The following KCNH8 variants were observed in gnomAD, a reference collection of about 807,000 sequenced individuals.
KCNH8 encodes potassium voltage-gated channel subfamily H member 8, also known as voltage-gated delayed rectifier potassium channel KCNH8.
KCNH8 carries 70 observed loss-of-function variants against 103.6 expected under a neutral mutation model. That is an observed-to-expected ratio of 0.68 (90% CI 0.56 to 0.82). The LOEUF (loss-of-function observed/expected upper bound fraction) is 0.82. Among genes scored for constraint, KCNH8 ranks in the 40% least tolerant of loss-of-function variants. The pLI is 0.00. For missense variants in KCNH8, 1,217 were observed against 1,329.9 expected, an observed-to-expected ratio of 0.92 and a Z score of 1.32; for synonymous variants, 498 against 489.4, an observed-to-expected ratio of 1.02 and a Z score of -0.23.
At chr3:19,394,508 C>A (rs563054165) in intron 6 of KCNH8, among the ~76,000 whole-genome samples, 72 of 149,964 alleles carry the variant, frequency 4.8e-4, no homozygotes, top group South Asian at 1.9e-3. Context: ...AGAGAGAGAG[C>A]GAGCTTCAGG....
intron 5 of KCNH8, among the ~76,000 whole-genome samples, chr3:19,364,699 G>A (rs867369242): frequency 2.0e-5 from 3 of 152,072 alleles, no homozygotes; most frequent in African/African-American, 7.2e-5. Flanking sequence ...GGAAAAGACC[G>A]TGCATTGAAA....
intron 11 of KCNH8, among the ~76,000 whole-genome samples, chr3:19,464,373 A>G (rs2067693861): frequency 6.6e-6 from 1 of 152,164 alleles, no homozygotes; most frequent in Non-Finnish European, 1.5e-5. Flanking sequence ...GGCCCATGAG[A>G]TACTTAAAAC....
intron 8 of KCNH8, among the ~76,000 whole-genome samples, chr3:19,441,035 A>AGGAGGAGG (rs2125174093): frequency 6.6e-6 from 1 of 152,274 alleles, no homozygotes; most frequent in African/African-American, 2.4e-5. Context: ...ACTGGCAGGC[A>AGGAGGAGG]GGAGGAGGGG....
At position 19,196,146 on chromosome 3, in the gene KCNH8, T is replaced by TG. The variant is rs1445013676; in HGVS notation, c.76+47351_76+47352insG. 9.5e-4 allele frequency among the ~76,000 whole-genome samples: 144 copies of TG among 152,178 alleles called. 1 individual carries two copies. Among genetic ancestry groups the TG allele is most frequent in the South Asian group, 6.2e-3 (30 of 4,826 alleles). On this transcript the variant is annotated intron_variant, in intron 1 of 15. Transcript: ENST00000328405. ...ATTTCTTTTCTTGTGCCAGATTCTC[T>TG]TCAAGAGACTCAAGCCTCTCCTTTG...
rs1035518084 is a variant in KCNH8 at position 19,281,238 on chromosome 3, G to A, written c.351G>A (p.Lys117=). The change falls in exon 3 of 16, where the codon AAG becomes AAA. Residue 117 remains lysine (K), a synonymous_variant. Transcript: ENST00000328405. The part of the protein sequence containing the change: ...FWCLLDIVPI[K]NEKGDVVLFL... ...GCCTACTGGATATTGTTCCCATAAA[G>A]AATGAAAAAGGAGATGTAGTACTTT... 3.1e-6 allele frequency: 5 copies of A among 1,610,738 alleles called. No homozygotes were observed. In the Admixed American group the frequency reaches 5.0e-5, roughly 16 times the overall value.
intron 7 of KCNH8, among the ~76,000 whole-genome samples, chr3:19,414,546 A>G (rs1189212201): frequency 6.6e-6 from 1 of 152,080 alleles, no homozygotes; most frequent in African/African-American, 2.4e-5. Context: ...AGATTTTTAC[A>G]TATTACATGA....
intron 11 of KCNH8, among the ~76,000 whole-genome samples, chr3:19,461,282 T>C (rs1209097915): frequency 2.0e-5 from 3 of 152,178 alleles, no homozygotes; most frequent in African/African-American, 7.2e-5. Flanking sequence ...TAACTGAGAG[T>C]CTAGGGGATA....
At chr3:19,266,343 C>G (rs1327885539) in intron 2 of KCNH8, among the ~76,000 whole-genome samples, 1 of 152,074 alleles carries the variant, frequency 6.6e-6, no homozygotes, top group African/African-American at 2.4e-5. Context: ...CTTCCATATT[C>G]TAACTTGCCT....
chr3:19,452,630 C>T (rs992964865), intron 10 of KCNH8, among the ~76,000 whole-genome samples: 1 of 152,072 alleles, frequency 6.6e-6, no homozygotes, highest in African/African-American at 2.4e-5. Context: ...ATATAAAACA[C>T]AATATTTAGA....
intron 3 of KCNH8, among the ~76,000 whole-genome samples, chr3:19,308,943 T>C (rs1368505529): frequency 6.6e-6 from 1 of 151,342 alleles, no homozygotes; most frequent in Non-Finnish European, 1.5e-5. Context: ...TAATGTAAAT[T>C]CCAGTGATGC....
chr3:19,339,175 A>G (rs2065624694), intron 3 of KCNH8, among the ~76,000 whole-genome samples: 1 of 152,122 alleles, frequency 6.6e-6, no homozygotes, highest in African/African-American at 2.4e-5. Flanking sequence ...ATTCTTTGAC[A>G]CTTCCCTTTG....
chr3:19,498,729 T>C (rs1022959583), intron 11 of KCNH8, among the ~76,000 whole-genome samples: 3 of 152,162 alleles, frequency 2.0e-5, no homozygotes, highest in African/African-American at 4.8e-5. Flanking sequence ...TTTTGGTCTT[T>C]GATGATGGTG....
At chr3:19,378,062 G>T (rs1007424383) in intron 5 of KCNH8, among the ~76,000 whole-genome samples, 12 of 152,132 alleles carry the variant, frequency 7.9e-5, no homozygotes, top group African/African-American at 2.2e-4. Flanking sequence ...GCGTGTTGGG[G>T]GCGGTTCTCT....
chr3:19,300,945 T>C (rs1390924780), intron 3 of KCNH8, among the ~76,000 whole-genome samples: 1 of 151,964 alleles, frequency 6.6e-6, no homozygotes, highest in Non-Finnish European at 1.5e-5. Flanking sequence ...TTTTTTAAGC[T>C]ACCTGAAATG....
intron 2 of KCNH8, among the ~76,000 whole-genome samples, chr3:19,257,539 A>T (rs575139685): frequency 6.6e-6 from 1 of 152,194 alleles, no homozygotes; most frequent in African/African-American, 2.4e-5. Context: ...AGCATGAAAG[A>T]CCATCATGAT....
chr3:19,210,105 C>T (rs2063755686), intron 1 of KCNH8, among the ~76,000 whole-genome samples: 1 of 151,932 alleles, frequency 6.6e-6, no homozygotes, highest in African/African-American at 2.4e-5. Flanking sequence ...GATCTCTTCC[C>T]ATTCTAATAA....
chr3:19,295,250 G>A (rs1302126430), intron 3 of KCNH8, among the ~76,000 whole-genome samples: 11 of 151,864 alleles, frequency 7.2e-5, no homozygotes, highest in African/African-American at 2.7e-4. Flanking sequence ...CTGGTGTGGC[G>A]GTTCATACCT....
At chr3:19,338,977 A>G (rs1330724389) in intron 3 of KCNH8, among the ~76,000 whole-genome samples, 1 of 152,080 alleles carries the variant, frequency 6.6e-6, no homozygotes, top group Non-Finnish European at 1.5e-5. Context: ...CCCATATGTT[A>G]TGTATATATG....
intron 3 of KCNH8, chr3:19,314,699 T>C (rs1408108181): frequency 6.5e-6 from 1 of 153,940 alleles, no homozygotes; most frequent in Non-Finnish European, 1.5e-5. Flanking sequence ...TACAACTTTA[T>C]TTGCTGAAAC....
Sources: allele counts gnomAD v4.1 joint callset (sites outside exome capture counted in the v4.1 genomes callset), GRCh38; gene constraint gnomAD v4.1.1; transcripts MANE v1.5; gene names NCBI Gene and HGNC (gene_info 2026-07-23, HGNC 2026-07-21).